The following GSTCD variants were observed in gnomAD, a reference collection of about 807,000 sequenced individuals.
GSTCD encodes the protein glutathione S-transferase C-terminal domain-containing protein.
In GSTCD, 44 loss-of-function variants were observed where a neutral mutation model predicts 68.3. The ratio of observed to expected loss-of-function variants is 0.64; its 90% CI spans 0.51 to 0.83. GSTCD has a LOEUF of 0.83. Among genes scored for constraint, GSTCD ranks in the 40% least tolerant of loss-of-function variants. The pLI is 0.00. For missense variants in GSTCD, 739 were observed against 735.9 expected (o/e 1.00, Z -0.05); for synonymous variants, 273 against 255.2 (o/e 1.07, Z -0.67).
chr4:105,839,230 G>T (rs1724240562), intron 10 of GSTCD, among the ~76,000 whole-genome samples: 1 of 152,102 alleles, frequency 6.6e-6, no homozygotes, highest in African/African-American at 2.4e-5. Context: ...ACATATTTTA[G>T]GAAACTGTAT....
intron 2 of GSTCD, among the ~76,000 whole-genome samples, chr4:105,718,591 T>C (rs965628811): frequency 7.9e-5 from 12 of 152,206 alleles, no homozygotes; most frequent in African/African-American, 2.9e-4. Context: ...GCAAATGGGC[T>C]AATATACCCT....
chr4:105,806,641 G>A (rs60514062), intron 5 of GSTCD, among the ~76,000 whole-genome samples: 1,555 of 152,056 alleles, frequency 0.01, 31 homozygotes, highest in African/African-American at 0.035. Flanking sequence ...GGTACCATCC[G>A]TATACAGATT....
rs557724072 is a variant in GSTCD at position 105,825,139 on chromosome 4, T to G, written c.1402-533T>G. Among the ~76,000 whole-genome samples the G allele has an allele frequency of 5.2e-4, 78 of 150,880 alleles. 1 individual carries two copies. Among genetic ancestry groups the G allele is most frequent in the African/African-American group, 1.8e-3 (72 of 40,492 alleles). ...TGGTTGGTTGGTTGGTTGGTTTGTT[T>G]GTTTGTTTGAGACAGATTCTCCCTG... On this transcript the variant is annotated intron_variant, in intron 7 of 11. Transcript: ENST00000515279.
At chr4:105,820,645 A>T (rs953407397) in intron 5 of GSTCD, 1 of 152,010 alleles carries the variant, frequency 6.6e-6, no homozygotes, top group South Asian at 2.1e-4. Context: ...CAGCTTTTCC[A>T]TAAAGCATCT....
intron 5 of GSTCD, among the ~76,000 whole-genome samples, chr4:105,735,034 T>C (rs778022711): frequency 5.3e-5 from 8 of 152,218 alleles, no homozygotes; most frequent in Non-Finnish European, 1.2e-4. Flanking sequence ...TGATCATTCC[T>C]CTGGAAGCTT....
intron 1 of GSTCD, among the ~76,000 whole-genome samples, chr4:105,710,211 T>A (rs562961659): frequency 7.3e-5 from 11 of 150,846 alleles, no homozygotes; most frequent in Non-Finnish European, 1.5e-4. Flanking sequence ...AACTTGAGCT[T>A]CTGTAGTAGT....
rs76137820 is a variant in GSTCD at position 105,838,915 on chromosome 4, A to G, written c.1695+1026A>G. Among the ~76,000 whole-genome samples, 1,224 of 152,320 alleles carry G rather than the reference A, an allele frequency of 8.0e-3. 19 individuals carry two copies. Among genetic ancestry groups the G allele is most frequent in the African/African-American group, 0.028 (1,162 of 41,568 alleles). On this transcript the variant is annotated intron_variant, in intron 10 of 11. Transcript: ENST00000515279. Reference sequence around the variant, plus strand: ...AGTCTCCTTTTATATACCAGCCCCTATATTTTAGGACTTTTACTTTCTCTT... The same window carrying G: ...AGTCTCCTTTTATATACCAGCCCCTGTATTTTAGGACTTTTACTTTCTCTT...
chr4:105,717,986 G>A lies in GSTCD; in HGVS notation c.373G>A (p.Glu125Lys). ...KSYEADPLKK[E>K]LLELLGFKKT... is the part of the protein sequence containing the mutation. The stretch of plus-strand genomic sequence containing the variant: ...CTATGAAGCAGACCCCTTAAAGAAG[G>A]AACTTTTGGAACTTCTGGGCTTTAA... Residue 125 changes from glutamate (E) to lysine (K), a missense_variant, in exon 2 of 12, where the codon GAA (glutamate) becomes AAA (lysine). Glu to Lys is a moderately conservative substitution (Grantham distance 56). Transcript: ENST00000515279. 6.2e-7 allele frequency: 1 copy of A among 1,612,644 alleles called. No individual in the cohort carries two copies. The highest frequency in any genetic ancestry group is 8.5e-7 in the Non-Finnish European group (1 of 1,179,506).
intron 5 of GSTCD, among the ~76,000 whole-genome samples, chr4:105,790,379 C>G (rs1363585174): frequency 6.6e-6 from 1 of 152,100 alleles, no homozygotes; most frequent in Non-Finnish European, 1.5e-5. Flanking sequence ...AAAGGCAAGG[C>G]TGGGCATGGT....
rs987805046 is a variant in GSTCD at position 105,803,654 on chromosome 4, T to A, written c.1241-19300T>A. ...TCCCAAATGACTATCCACAGGAGAATGGACAAATTATATCATAGCTCTAAA... is the reference window on the plus strand; with the variant it reads ...TCCCAAATGACTATCCACAGGAGAAAGGACAAATTATATCATAGCTCTAAA... On this transcript the variant is annotated intron_variant, in intron 5 of 11. Coordinates refer to ENST00000515279, the MANE Select transcript of GSTCD (RefSeq NM_001370181.1). Among the ~76,000 whole-genome samples, 6 of 151,746 alleles carry A rather than the reference T, an allele frequency of 4.0e-5. No individual in the cohort carries two copies. The South Asian group carries it at 1.0e-3, about 26-fold the overall frequency.
chr4:105,819,981 TATCCATGCA>T (rs1723201609), intron 5 of GSTCD, among the ~76,000 whole-genome samples: 1 of 151,814 alleles, frequency 6.6e-6, no homozygotes, highest in Non-Finnish European at 1.5e-5. Flanking sequence ...ATCTAATGAG[TATCCATGCA>T]CTCTTTTATA....
intron 5 of GSTCD, among the ~76,000 whole-genome samples, chr4:105,730,087 G>T (rs1337225147): frequency 2.0e-5 from 3 of 152,096 alleles, no homozygotes; most frequent in Admixed American, 1.3e-4. Context: ...CTTTTTTATG[G>T]CTGCATAGTA....
chr4:105,795,174 T>A (rs1254821421), intron 5 of GSTCD, among the ~76,000 whole-genome samples: 1 of 152,014 alleles, frequency 6.6e-6, no homozygotes, highest in Non-Finnish European at 1.5e-5. Flanking sequence ...CCCTTCCTTG[T>A]ATATTGTGGG....
At chr4:105,845,375 T>G in intron 11 of GSTCD, 66 bp from the exon 12 acceptor site, 1 of 1,597,478 alleles carries the variant, frequency 6.3e-7, no homozygotes, top group Admixed American at 1.7e-5. Context: ...ATAGATTCCC[T>G]TAAACAAACT....
chr4:105,743,817 C>T (rs1416322557), intron 5 of GSTCD, among the ~76,000 whole-genome samples: 4 of 151,810 alleles, frequency 2.6e-5, no homozygotes, highest in African/African-American at 9.7e-5. Flanking sequence ...CGCCACCACG[C>T]CCGGCTAATT....
chr4:105,774,436 T>A (rs1268382465), intron 5 of GSTCD, among the ~76,000 whole-genome samples: 1 of 152,242 alleles, frequency 6.6e-6, no homozygotes, highest in Non-Finnish European at 1.5e-5. Flanking sequence ...ATTCAATTTC[T>A]TCATAGTGTC....
chr4:105,773,551 A>G (rs1361445350), intron 5 of GSTCD, among the ~76,000 whole-genome samples: 1 of 152,146 alleles, frequency 6.6e-6, no homozygotes, highest in Non-Finnish European at 1.5e-5. Flanking sequence ...AGATTCTGGT[A>G]CATTGTGCCT....
chr4:105,785,023 T>G (rs975194877), intron 5 of GSTCD, among the ~76,000 whole-genome samples: 2 of 152,172 alleles, frequency 1.3e-5, no homozygotes, highest in Non-Finnish European at 2.9e-5. Flanking sequence ...CTTTTAGGCC[T>G]TCTCAGTGGA....
intron 5 of GSTCD, among the ~76,000 whole-genome samples, chr4:105,754,842 T>A (rs1402474897): frequency 6.6e-6 from 1 of 151,890 alleles, no homozygotes; most frequent in Non-Finnish European, 1.5e-5. Context: ...AGGGAAATAA[T>A]TCACATTTTG....
Sources: allele counts gnomAD v4.1 joint callset (sites outside exome capture counted in the v4.1 genomes callset), GRCh38; gene constraint gnomAD v4.1.1; transcripts MANE v1.5; gene names NCBI Gene and HGNC (gene_info 2026-07-23, HGNC 2026-07-21).